The following SORCS3 variants were observed in gnomAD, a reference collection of about 807,000 sequenced individuals.
The protein encoded by SORCS3 is VPS10 domain-containing receptor SorCS3.
In SORCS3, 57 loss-of-function variants were observed where a neutral mutation model predicts 146.3. The observed-to-expected ratio is 0.39, with a 90% CI of 0.31 to 0.49. The LOEUF is 0.49. Among genes scored for constraint, SORCS3 ranks in the 20% least tolerant of loss-of-function variants. The probability of loss-of-function intolerance (pLI) is 0.92; values close to 1 mark genes in which losing one functional copy is unlikely to be tolerated. For missense variants in SORCS3, 1,341 were observed against 1,575.5 expected, an observed-to-expected ratio of 0.85 and a Z score of 2.52; for synonymous variants, 653 against 618.5, an observed-to-expected ratio of 1.06 and a Z score of -0.83.
At chr10:104,754,150 G>T (rs185021163) in intron 1 of SORCS3, among the ~76,000 whole-genome samples, 19 of 152,310 alleles carry the variant, frequency 1.2e-4, no homozygotes, top group East Asian at 1.9e-4. Flanking sequence ...AGGTTAAGCA[G>T]CTTACCCGTT....
intron 3 of SORCS3, among the ~76,000 whole-genome samples, chr10:104,933,922 G>T (rs1016294664): frequency 1.3e-5 from 2 of 152,116 alleles, no homozygotes; most frequent in Non-Finnish European, 2.9e-5. Context: ...ATCCTCTCGA[G>T]TAGCTGGGAC....
chr10:104,901,555 G>A (rs1176432068), intron 2 of SORCS3, among the ~76,000 whole-genome samples: 1 of 152,152 alleles, frequency 6.6e-6, no homozygotes, highest in Non-Finnish European at 1.5e-5. Flanking sequence ...TAGCACTCTT[G>A]AGCCCCTTTC....
At chr10:104,903,339 A>G (rs1481494465) in intron 2 of SORCS3, among the ~76,000 whole-genome samples, 1 of 152,182 alleles carries the variant, frequency 6.6e-6, no homozygotes, top group Admixed American at 6.5e-5. Flanking sequence ...CAGAGTCTTG[A>G]TCCTTGACCT....
intron 1 of SORCS3, among the ~76,000 whole-genome samples, chr10:104,671,168 T>G (rs2015847170): frequency 6.6e-6 from 1 of 151,760 alleles, no homozygotes; most frequent in Non-Finnish European, 1.5e-5. Context: ...GTTAGAACTT[T>G]CAGTACTGTG....
chr10:104,690,540 T>C (rs1270811384), intron 1 of SORCS3, among the ~76,000 whole-genome samples: 2 of 152,208 alleles, frequency 1.3e-5, no homozygotes, highest in African/African-American at 4.8e-5. Flanking sequence ...CCTGGAGTGC[T>C]TCACCCTCAG....
chr10:104,888,452 C>T (rs556869748), intron 2 of SORCS3, among the ~76,000 whole-genome samples: 28 of 152,260 alleles, frequency 1.8e-4, no homozygotes, highest in African/African-American at 5.8e-4. Context: ...CATTGTTTTC[C>T]ATGTTTCTAA....
chr10:105,220,965 G>A (rs1279210353), intron 19 of SORCS3, among the ~76,000 whole-genome samples: 1 of 152,148 alleles, frequency 6.6e-6, no homozygotes. Context: ...AAAGTTGAAA[G>A]TGTTTGCTAA....
intron 2 of SORCS3, among the ~76,000 whole-genome samples, chr10:104,900,159 CTTAGGATGT>C (rs1424285768): frequency 6.6e-6 from 1 of 152,178 alleles, no homozygotes; most frequent in Non-Finnish European, 1.5e-5. Flanking sequence ...GGGAACCCAG[CTTAGGATGT>C]TTTCCTTTTT....
intron 2 of SORCS3, among the ~76,000 whole-genome samples, chr10:104,857,558 A>G (rs1185602100): frequency 5.3e-5 from 8 of 152,178 alleles, no homozygotes; most frequent in Non-Finnish European, 1.5e-5. Context: ...CAATGATCTG[A>G]TGTTCAATGC....
intron 3 of SORCS3, among the ~76,000 whole-genome samples, chr10:104,972,654 CAGAGAG>C (rs919446585): frequency 6.6e-6 from 1 of 150,600 alleles, no homozygotes; most frequent in Non-Finnish European, 1.5e-5. Context: ...GAGAGAGAGA[CAGAGAG>C]AGAGAGATGA....
chr10:104,828,825 C>T (rs1370446784), intron 1 of SORCS3, among the ~76,000 whole-genome samples: 1 of 152,166 alleles, frequency 6.6e-6, no homozygotes, highest in Non-Finnish European at 1.5e-5. Flanking sequence ...TCCCACCCTG[C>T]TCCTGTGTCC....
chr10:104,688,208 G>A (rs189101708), intron 1 of SORCS3, among the ~76,000 whole-genome samples: 1 of 152,358 alleles, frequency 6.6e-6, no homozygotes, highest in East Asian at 1.9e-4. Flanking sequence ...CAGTTGCAGG[G>A]TCAGGGAGGT....
At chr10:105,245,085 AGAC>A (rs1342193320) in intron 20 of SORCS3, among the ~76,000 whole-genome samples, 1 of 151,364 alleles carries the variant, frequency 6.6e-6, no homozygotes, top group Admixed American at 6.6e-5. Context: ...AAAAAAAAAA[AGAC>A]AGTGTGCTTA....
chr10:104,915,005 G>A (rs1465297397), intron 2 of SORCS3, among the ~76,000 whole-genome samples: 2 of 151,830 alleles, frequency 1.3e-5, no homozygotes, highest in East Asian at 3.9e-4. Context: ...GGTCTCTGTG[G>A]GCCAGGGTTT....
At chr10:104,939,169 C>T (rs189074160) in intron 3 of SORCS3, among the ~76,000 whole-genome samples, 12 of 152,286 alleles carry the variant, frequency 7.9e-5, no homozygotes, top group Non-Finnish European at 1.0e-4. Context: ...CTGGAGGAGA[C>T]GAGGAAGGAG....
In SORCS3 at chr10:104,661,179, T is replaced by C. The variant is rs564821084; in HGVS notation, c.627+19225T>C. On this transcript the variant is annotated intron_variant, in intron 1 of 26. Coordinates refer to ENST00000369701, the MANE Select transcript of SORCS3 (RefSeq NM_014978.3). ...AGCAAATATGGGGATTTCTAGTTTA[T>C]TCCCCTCTTCTGCCTTCTCCTGTTC... Among the ~76,000 whole-genome samples the C allele has an allele frequency of 2.0e-5, 3 of 152,316 alleles. No individual in the cohort carries two copies. The East Asian group carries it at 5.8e-4, about 29-fold the overall frequency.
Position 104,877,565 on chromosome 10 carries a change from T to G in SORCS3, c.695+34706T>G, listed in dbSNP as rs146031839. 9.2e-3 allele frequency among the ~76,000 whole-genome samples: 1,403 copies of G among 152,230 alleles called. 15 individuals are homozygous for G. Among genetic ancestry groups the G allele is most frequent in the African/African-American group, 0.032 (1,337 of 41,518 alleles). ...CCCTGTGTGTCTGGGCCTGAACTGGTCATAGGAGTAAAAAAATATAGATGC... is the reference window on the plus strand; with the variant it reads ...CCCTGTGTGTCTGGGCCTGAACTGGGCATAGGAGTAAAAAAATATAGATGC... On this transcript the variant is annotated intron_variant, in intron 2 of 26. Coordinates refer to ENST00000369701, the MANE Select transcript of SORCS3 (RefSeq NM_014978.3).
chr10:104,892,944 A>C (rs1228280998), intron 2 of SORCS3, among the ~76,000 whole-genome samples: 1 of 152,060 alleles, frequency 6.6e-6, no homozygotes, highest in African/African-American at 2.4e-5. Context: ...TAGGATCCTC[A>C]TACATGCCAT....
At chr10:104,724,402 C>T (rs1361712574) in intron 1 of SORCS3, among the ~76,000 whole-genome samples, 2 of 152,166 alleles carry the variant, frequency 1.3e-5, no homozygotes, top group African/African-American at 2.4e-5. Context: ...TCTGGCTGCC[C>T]TTAACACTTT....
Sources: gnomAD v4.1 joint callset for allele counts (sites outside exome capture counted in the v4.1 genomes callset) on GRCh38, gnomAD v4.1.1 for gene constraint, MANE v1.5 for transcripts, NCBI Gene and HGNC (gene_info 2026-07-23, HGNC 2026-07-21) for gene names.